Variants in ABLIM2 observed in about 807,000 individuals in gnomAD.
The protein encoded by ABLIM2 is actin-binding LIM protein 2.
A neutral mutation model predicts 97.7 loss-of-function variants in ABLIM2; 53 were observed. The observed-to-expected ratio is 0.54, with a 90% CI of 0.44 to 0.68. ABLIM2 has a LOEUF of 0.68. Ranked by LOEUF, ABLIM2 falls within the 30% of genes least tolerant of loss-of-function variation. The pLI is 0.00. For synonymous variants in ABLIM2, 361 were observed against 345.8 expected (o/e 1.04, Z -0.49); for missense variants, 835 against 867.2 (o/e 0.96, Z 0.47).
At chr4:8,006,221 G>A (rs540695242) in intron 16 of ABLIM2, among the ~76,000 whole-genome samples, 1 of 152,228 alleles carries the variant, frequency 6.6e-6, no homozygotes, top group Non-Finnish European at 1.5e-5. Flanking sequence ...AGAGTATCAG[G>A]GGCACGGGGG....
chr4:8,014,841 G>A (rs577001897), intron 14 of ABLIM2, among the ~76,000 whole-genome samples: 31 of 152,184 alleles, frequency 2.0e-4, no homozygotes, highest in Non-Finnish European at 3.5e-4. Flanking sequence ...CTGCAGTCTC[G>A]GCCCCAGCCA....
intron 2 of ABLIM2, 74 bp from the exon 3 acceptor site, chr4:8,097,356 C>G: frequency 6.6e-7 from 1 of 1,506,252 alleles, no homozygotes; most frequent in Admixed American, 2.0e-5. Context: ...CGAGGTGCAC[C>G]CCCCTCCACA....
intron 1 of ABLIM2, among the ~76,000 whole-genome samples, chr4:8,115,753 C>T (rs951003446): frequency 6.6e-6 from 1 of 152,172 alleles, no homozygotes; most frequent in African/African-American, 2.4e-5. Context: ...GGTCTAAAGC[C>T]CCTCACCTTG....
chr4:7,983,025 G>C (rs968631630), intron 20 of ABLIM2, among the ~76,000 whole-genome samples: 7 of 152,168 alleles, frequency 4.6e-5, no homozygotes, highest in Non-Finnish European at 1.0e-4. Flanking sequence ...TTCTTACAAA[G>C]CCTTCCCTGC....
chr4:8,145,247 G>C (rs976802018), intron 1 of ABLIM2, among the ~76,000 whole-genome samples: 1 of 151,504 alleles, frequency 6.6e-6, no homozygotes. Flanking sequence ...GCAGTGGCAT[G>C]ATCTCAGCTC....
At chr4:7,995,941 C>T (rs375205746) in intron 16 of ABLIM2, among the ~76,000 whole-genome samples, 8 of 152,130 alleles carry the variant, frequency 5.3e-5, no homozygotes, top group East Asian at 3.9e-4. Flanking sequence ...AGGAACCTGC[C>T]TGAGGTCACC....
intron 1 of ABLIM2, among the ~76,000 whole-genome samples, chr4:8,134,632 C>G (rs751808867): frequency 1.3e-5 from 2 of 152,138 alleles, no homozygotes; most frequent in East Asian, 1.9e-4. Flanking sequence ...ACAAATGTGC[C>G]GGAAATGTAT....
In ABLIM2 at chr4:8,003,524, C is replaced by T. The variant is rs1016097509; in HGVS notation, c.1618+4535G>A. Among the ~76,000 whole-genome samples the T allele has an allele frequency of 6.6e-6, 1 of 151,786 alleles. No individual in the cohort carries two copies. The highest frequency in any genetic ancestry group is 2.4e-5 in the African/African-American group (1 of 41,324). On this transcript the variant is annotated intron_variant, in intron 16 of 20. Transcript: ENST00000447017. The surrounding 1 kb of genome is among the most constrained non-coding windows in gnomAD (Gnocchi z 4.2). ...AATCTGTTGACTGGCAGCTCCCACC[C>T]ACTGTCTCTGGACCACTACGCTCTT... is the stretch of plus-strand genomic sequence containing the variant.
rs756234137 is a variant in ABLIM2, at chr4:8,033,309, G to A, written c.1047+2840C>T. ...GAGAACGCCGTTCCCACAGCAGAGC[G>A]GGGAGGCACTCTGTTCACAGGAACC... On this transcript the variant is annotated intron_variant, in intron 10 of 20. Transcript: ENST00000447017. This position sits in a 1 kb window ranked among gnomAD's most constrained non-coding sequence, Gnocchi z 4.5. 6.6e-6 allele frequency among the ~76,000 whole-genome samples: 1 copy of A among 152,206 alleles called. No homozygotes were observed. The highest frequency in any genetic ancestry group is 2.4e-5 in the African/African-American group (1 of 41,454).
At chr4:8,152,376 C>T (rs576937391) in intron 1 of ABLIM2, among the ~76,000 whole-genome samples, 13 of 150,308 alleles carry the variant, frequency 8.6e-5, no homozygotes, top group Admixed American at 4.6e-4. Flanking sequence ...TTTCTTCCTC[C>T]GTAGGTAGAG....
chr4:8,093,569 C>T (rs1688737318), intron 3 of ABLIM2, among the ~76,000 whole-genome samples: 1 of 152,118 alleles, frequency 6.6e-6, no homozygotes, highest in African/African-American at 2.4e-5. Flanking sequence ...ATCTTATCAC[C>T]CACAAAAGAA....
intron 12 of ABLIM2, among the ~76,000 whole-genome samples, 175 bp downstream of exon 12, chr4:8,027,584 G>A (rs1422030166): frequency 5.9e-5 from 9 of 152,164 alleles, no homozygotes; most frequent in Admixed American, 4.6e-4. Flanking sequence ...TTTCCTTCCA[G>A]GAACATTTGC....
chr4:8,052,042 C>G (rs1796387929), intron 8 of ABLIM2, among the ~76,000 whole-genome samples: 2 of 152,214 alleles, frequency 1.3e-5, no homozygotes, highest in Admixed American at 6.5e-5. Context: ...CTTCCTTCTG[C>G]CTTTCTTCTT....
chr4:8,107,566 C>T (rs2152760234), intron 1 of ABLIM2, among the ~76,000 whole-genome samples: 1 of 152,294 alleles, frequency 6.6e-6, no homozygotes, highest in East Asian at 1.9e-4. Flanking sequence ...GACCCAGCTG[C>T]CCGGACAAGT....
At chr4:8,081,542 C>G (rs1289697583) in intron 4 of ABLIM2, among the ~76,000 whole-genome samples, 1 of 152,240 alleles carries the variant, frequency 6.6e-6, no homozygotes, top group African/African-American at 2.4e-5. Flanking sequence ...GCGGGTGGAG[C>G]AGGCTGGGGA....
At chr4:8,089,278 GA>G (rs1281619454) in intron 3 of ABLIM2, among the ~76,000 whole-genome samples, 2 of 152,208 alleles carry the variant, frequency 1.3e-5, no homozygotes, top group Non-Finnish European at 2.9e-5. Flanking sequence ...GACAGGGCCA[GA>G]AGCACAGCCT....
At chr4:8,024,688 C>T (rs1331229430) in intron 12 of ABLIM2, among the ~76,000 whole-genome samples, 1 of 152,238 alleles carries the variant, frequency 6.6e-6, no homozygotes, top group Non-Finnish European at 1.5e-5. Flanking sequence ...AGGGTGAACA[C>T]AATTTGTGAA....
intron 10 of ABLIM2, among the ~76,000 whole-genome samples, chr4:8,030,474 C>T (rs1045009522): frequency 6.6e-6 from 1 of 152,206 alleles, no homozygotes; most frequent in Non-Finnish European, 1.5e-5. Context: ...GTTTTGCCCT[C>T]AAGGCCAGCA....
intron 10 of ABLIM2, among the ~76,000 whole-genome samples, chr4:8,035,732 G>T (rs1000703109): frequency 6.6e-6 from 1 of 152,238 alleles, no homozygotes; most frequent in Non-Finnish European, 1.5e-5. Flanking sequence ...TGGGGCAGAG[G>T]AGCATGGGGC....
Sources: allele counts gnomAD v4.1 joint callset (sites outside exome capture counted in the v4.1 genomes callset), GRCh38; gene constraint gnomAD v4.1.1; non-coding constraint Gnocchi (gnomAD v3.1); transcripts MANE v1.5; gene names NCBI Gene and HGNC (gene_info 2026-07-23, HGNC 2026-07-21).